The following CSMD1 variants were observed in gnomAD, a reference collection of about 807,000 sequenced individuals.
The protein encoded by CSMD1 is CUB and Sushi multiple domains 1, also known as CUB and sushi domain-containing protein 1.
Under a neutral mutation model 417.5 loss-of-function variants are expected in CSMD1, and 213 were observed. That is an observed-to-expected ratio of 0.51 (90% CI 0.46 to 0.57). The LOEUF (loss-of-function observed/expected upper bound fraction) is 0.57. Ranked by LOEUF, CSMD1 falls within the 20% of genes least tolerant of loss-of-function variation. The pLI is 0.00. For synonymous variants in CSMD1, 2,862 were observed against 1,736.8 expected (o/e 1.65, Z -16.11); for missense variants, 6,923 against 4,529.7 (o/e 1.53, Z -15.17).
At chr8:3,894,255 C>T (rs1807194898) in intron 5 of CSMD1, among the ~76,000 whole-genome samples, 1 of 152,094 alleles carries the variant, frequency 6.6e-6, no homozygotes, top group Non-Finnish European at 1.5e-5. Flanking sequence ...ATCTGCAGTC[C>T]CATCTCCACA....
At chr8:4,929,256 C>T (rs1346018598) in intron 1 of CSMD1, among the ~76,000 whole-genome samples, 1 of 152,108 alleles carries the variant, frequency 6.6e-6, no homozygotes, top group African/African-American at 2.4e-5. Context: ...TGCAGAGAAA[C>T]CAAACCTGCA....
chr8:3,898,689 G>C (rs903289755), intron 5 of CSMD1, among the ~76,000 whole-genome samples: 3 of 152,156 alleles, frequency 2.0e-5, no homozygotes, highest in Admixed American at 6.5e-5. Flanking sequence ...TTCTCATTCA[G>C]AGTTCAGAAT....
intron 10 of CSMD1, among the ~76,000 whole-genome samples, chr8:3,508,014 A>G (rs186067248): frequency 1.7e-4 from 26 of 152,258 alleles, no homozygotes; most frequent in Admixed American, 7.8e-4. Flanking sequence ...GAGTTTTATT[A>G]GATCCCATTT....
chr8:4,824,708 C>G (rs1799720236), intron 1 of CSMD1, among the ~76,000 whole-genome samples: 1 of 152,152 alleles, frequency 6.6e-6, no homozygotes, highest in Non-Finnish European at 1.5e-5. Flanking sequence ...GAAATAACTG[C>G]TGACATCATG....
chr8:4,125,119 T>A (rs1346615750), intron 3 of CSMD1, among the ~76,000 whole-genome samples: 1 of 6,618 alleles, frequency 1.5e-4, no homozygotes, highest in Non-Finnish European at 1.0e-3. Flanking sequence ...AACACTTCCA[T>A]CGAGAAAAAA....
At chr8:4,478,322 G>A (rs1161886718) in intron 2 of CSMD1, among the ~76,000 whole-genome samples, 2 of 152,162 alleles carry the variant, frequency 1.3e-5, no homozygotes, top group African/African-American at 2.4e-5. Flanking sequence ...TGCCTCATGT[G>A]ACAGTTTAAT....
intron 45 of CSMD1, chr8:3,106,895 G>T (rs898239761): frequency 9.0e-6 from 3 of 333,340 alleles, no homozygotes; most frequent in Admixed American, 4.8e-5. Flanking sequence ...TGAGGCATCC[G>T]TGTTGGTTTC....
intron 5 of CSMD1, among the ~76,000 whole-genome samples, chr8:3,885,073 A>C (rs1806465611): frequency 6.6e-6 from 1 of 151,990 alleles, no homozygotes; most frequent in Non-Finnish European, 1.5e-5. Flanking sequence ...CATGCTTATA[A>C]AGCAAGTAGC....
chr8:3,285,450 G>A (rs558712684), intron 25 of CSMD1, among the ~76,000 whole-genome samples: 15 of 150,532 alleles, frequency 1.0e-4, no homozygotes, highest in African/African-American at 2.4e-4. Flanking sequence ...GCAGTGTCAT[G>A]ATCTTGGCTC....
At chr8:4,453,562 T>G (rs966297102) in intron 2 of CSMD1, among the ~76,000 whole-genome samples, 1 of 152,156 alleles carries the variant, frequency 6.6e-6, no homozygotes, top group Non-Finnish European at 1.5e-5. Context: ...TTGGGCCACA[T>G]GACTGGCTTA....
chr8:4,606,595 G>T lies in CSMD1; in HGVS notation c.302+30747C>A, dbSNP rs188424425. Among the ~76,000 whole-genome samples the T allele has an allele frequency of 7.0e-4, 107 of 152,336 alleles. 2 individuals carry two copies. Among genetic ancestry groups the T allele is most frequent in the African/African-American group, 2.3e-3 (96 of 41,574 alleles). On this transcript the variant is annotated intron_variant, in intron 2 of 69. Coordinates refer to ENST00000635120, the MANE Select transcript of CSMD1 (RefSeq NM_033225.6). ...CTCTCAAGGACCAGGTAATGAGGGAGAACCACTTGAAATTAGCAAAACGGA... is the reference window on the plus strand; with the variant it reads ...CTCTCAAGGACCAGGTAATGAGGGATAACCACTTGAAATTAGCAAAACGGA...
At chr8:3,692,585 A>C (rs980185314) in intron 7 of CSMD1, among the ~76,000 whole-genome samples, 3 of 151,848 alleles carry the variant, frequency 2.0e-5, no homozygotes, top group African/African-American at 7.3e-5. Flanking sequence ...CAGGCATGTC[A>C]CCACACACAG....
chr8:4,318,650 G>A (rs544421800), intron 3 of CSMD1, among the ~76,000 whole-genome samples: 205 of 67,930 alleles, frequency 3.0e-3, no homozygotes, highest in African/African-American at 5.3e-3. Context: ...AATTTAAGAC[G>A]TCACTGATTG....
rs535744651 is a variant in CSMD1 at position 4,588,905 on chromosome 8, C to G, written c.302+48437G>C. On this transcript the variant is annotated intron_variant, in intron 2 of 69. Coordinates refer to ENST00000635120, the MANE Select transcript of CSMD1 (RefSeq NM_033225.6). ...GGCATTAAAAACACTCCAGGGTGCC[C>G]TTTCACTTGGAAAAAATATACATAC... 6.6e-5 allele frequency among the ~76,000 whole-genome samples: 10 copies of G among 152,118 alleles called. No individual in the cohort carries two copies. In the East Asian group the frequency reaches 1.9e-3, roughly 29 times the overall value.
intron 3 of CSMD1, among the ~76,000 whole-genome samples, chr8:4,256,491 C>T (rs1476305347): frequency 6.6e-6 from 1 of 152,166 alleles, no homozygotes; most frequent in Non-Finnish European, 1.5e-5. Context: ...AAGGGAGGTT[C>T]TCAGTGAGTG....
chr8:3,876,560 A>T (rs755123857), intron 5 of CSMD1, among the ~76,000 whole-genome samples: 1 of 152,192 alleles, frequency 6.6e-6, no homozygotes, highest in Non-Finnish European at 1.5e-5. Context: ...AAAATTATTA[A>T]TTCTAAAATG....
intron 1 of CSMD1, among the ~76,000 whole-genome samples, chr8:4,961,926 C>G (rs1027390902): frequency 6.6e-6 from 1 of 151,766 alleles, no homozygotes; most frequent in African/African-American, 2.4e-5. Flanking sequence ...TTATTTTATT[C>G]AGTTATAACA....
intron 7 of CSMD1, among the ~76,000 whole-genome samples, chr8:3,625,775 G>A (rs1383258165): frequency 6.6e-6 from 1 of 151,968 alleles, no homozygotes; most frequent in Non-Finnish European, 1.5e-5. Context: ...TTTGAACACT[G>A]CAGATTCTTA....
chr8:3,127,102 C>T (rs1817549977), intron 41 of CSMD1, among the ~76,000 whole-genome samples: 1 of 152,166 alleles, frequency 6.6e-6, no homozygotes, highest in East Asian at 1.9e-4. Flanking sequence ...GATTCAGGTC[C>T]TAGTTTCTAA....
Sources: allele counts gnomAD v4.1 joint callset (sites outside exome capture counted in the v4.1 genomes callset), GRCh38; gene constraint gnomAD v4.1.1; transcripts MANE v1.5; gene names NCBI Gene and HGNC (gene_info 2026-07-23, HGNC 2026-07-21).